Variants in TENM3 observed in about 807,000 individuals in gnomAD.
The protein encoded by TENM3 is teneurin-3.
In TENM3, 63 loss-of-function variants were observed where a neutral mutation model predicts 255.1. That is an observed-to-expected ratio of 0.25 (90% confidence interval 0.20 to 0.30). TENM3 has a LOEUF of 0.30. Among genes scored for constraint, TENM3 ranks in the 10% least tolerant of loss-of-function variants. TENM3 has a pLI of 1.00. For synonymous variants in TENM3, 1,306 were observed against 1,322.3 expected, an observed-to-expected ratio of 0.99 and a Z score of 0.27; for missense variants, 2,929 against 3,461.1, an observed-to-expected ratio of 0.85 and a Z score of 3.86.
intron 3 of TENM3, among the ~76,000 whole-genome samples, chr4:182,414,291 A>G (rs1770211164): frequency 6.6e-6 from 1 of 152,160 alleles, no homozygotes; most frequent in Non-Finnish European, 1.5e-5. Flanking sequence ...TTATTTTGCT[A>G]ACAGTCATGT....
chr4:181,724,153 G>C, the TENM3 span, among the ~76,000 whole-genome samples: 1 of 152,214 alleles, frequency 6.6e-6, no homozygotes, highest in Non-Finnish European at 1.5e-5. Flanking sequence ...TTGATGCTTA[G>C]AGAACCCACA....
chr4:182,459,148 A>G (rs1299301550), intron 3 of TENM3, among the ~76,000 whole-genome samples: 1 of 152,238 alleles, frequency 6.6e-6, no homozygotes, highest in African/African-American at 2.4e-5. Flanking sequence ...TTGACTAACC[A>G]GCATTTCAAA....
Position 182,266,659 on chromosome 4 carries a change from A to G in TENM3, c.-76+23183A>G, listed in dbSNP as rs574250956. Among the ~76,000 whole-genome samples the G allele has an allele frequency of 4.2e-4, 64 of 152,184 alleles. 1 individual carries two copies. The highest frequency in any genetic ancestry group is 7.4e-5 in the Non-Finnish European group (5 of 68,008). ...CATTAACATAAAGGTAAAATTTGGC[A>G]TATTTGATATAAAAATCATACAGGA... is the stretch of plus-strand genomic sequence containing the variant. On this transcript the variant is annotated intron_variant, in intron 1 of 27. Transcript: ENST00000511685.
At chr4:182,630,661 C>G (rs756632300) in intron 5 of TENM3, among the ~76,000 whole-genome samples, 25 of 152,034 alleles carry the variant, frequency 1.6e-4, no homozygotes, top group Non-Finnish European at 3.1e-4. Flanking sequence ...ACACATTTAC[C>G]TATGTAACAA....
At chr4:181,566,510 C>T in the TENM3 span, among the ~76,000 whole-genome samples, 1 of 151,914 alleles carries the variant, frequency 6.6e-6, no homozygotes, top group Non-Finnish European at 1.5e-5. Context: ...GATATAATAC[C>T]ATCAGTTTGA....
chr4:182,106,501 C>G, the TENM3 span, among the ~76,000 whole-genome samples: 1 of 152,070 alleles, frequency 6.6e-6, no homozygotes, highest in African/African-American at 2.4e-5. Context: ...GAAACACTCC[C>G]AAAAGGTCAG....
At chr4:182,725,884 C>T (rs867945093) in intron 13 of TENM3, among the ~76,000 whole-genome samples, 2 of 152,100 alleles carry the variant, frequency 1.3e-5, no homozygotes, top group African/African-American at 2.4e-5. Flanking sequence ...GTGATCCACC[C>T]GCCTCGGCCT....
the TENM3 span, among the ~76,000 whole-genome samples, chr4:181,957,972 C>G: frequency 1.3e-5 from 2 of 152,148 alleles, no homozygotes; most frequent in Non-Finnish European, 2.9e-5. Context: ...TCATTTTCTT[C>G]TAATTATCTC....
intron 1 of TENM3, among the ~76,000 whole-genome samples, chr4:182,164,732 C>T (rs144933633): frequency 6.6e-6 from 1 of 152,268 alleles, no homozygotes; most frequent in Non-Finnish European, 1.5e-5. Context: ...GACATAGCAC[C>T]TCATACATAG....
intron 3 of TENM3, among the ~76,000 whole-genome samples, chr4:182,476,114 C>G (rs1733662515): frequency 6.6e-6 from 1 of 152,098 alleles, no homozygotes; most frequent in Non-Finnish European, 1.5e-5. Flanking sequence ...TTACTTGACT[C>G]ATTCCAAAAT....
At chr4:182,378,145 G>T (rs1301349024) in intron 3 of TENM3, among the ~76,000 whole-genome samples, 1 of 152,140 alleles carries the variant, frequency 6.6e-6, no homozygotes, top group Non-Finnish European at 1.5e-5. Flanking sequence ...TTTGTTCTCG[G>T]CTTCTTAAAG....
the TENM3 span, among the ~76,000 whole-genome samples, chr4:181,621,102 T>C: frequency 3.9e-5 from 6 of 152,286 alleles, no homozygotes; most frequent in South Asian, 6.2e-4. Flanking sequence ...GGGAACCCAG[T>C]TGACAATAAT....
At chr4:181,977,671 C>A in the TENM3 span, among the ~76,000 whole-genome samples, 1 of 152,084 alleles carries the variant, frequency 6.6e-6, no homozygotes, top group Non-Finnish European at 1.5e-5. Context: ...GAAGACTCAC[C>A]TTTTGAGGGC....
the TENM3 span, among the ~76,000 whole-genome samples, chr4:181,775,081 C>T: frequency 6.6e-6 from 1 of 152,146 alleles, no homozygotes; most frequent in African/African-American, 2.4e-5. Flanking sequence ...ATCCCTTTAT[C>T]AGTTCATCCT....
At chr4:182,559,274 G>A (rs1313387631) in intron 3 of TENM3, among the ~76,000 whole-genome samples, 1 of 151,922 alleles carries the variant, frequency 6.6e-6, no homozygotes, top group African/African-American at 2.4e-5. Context: ...CAATGCTCAG[G>A]AGAGAATTAT....
At chr4:181,957,547 G>A in the TENM3 span, among the ~76,000 whole-genome samples, 2 of 152,142 alleles carry the variant, frequency 1.3e-5, no homozygotes, top group African/African-American at 4.8e-5. Flanking sequence ...TGTTTAAAGA[G>A]ACAGAATAGT....
At chr4:182,479,075 A>G (rs1733946291) in intron 3 of TENM3, among the ~76,000 whole-genome samples, 2 of 151,872 alleles carry the variant, frequency 1.3e-5, no homozygotes, top group South Asian at 2.1e-4. Flanking sequence ...TAAAAGATTC[A>G]GTACGTAAAA....
intron 3 of TENM3, among the ~76,000 whole-genome samples, chr4:182,580,484 A>C (rs1045898983): frequency 1.3e-5 from 2 of 152,016 alleles, no homozygotes; most frequent in Non-Finnish European, 2.9e-5. Flanking sequence ...GGTTCTTCAC[A>C]AAGATTTTTT....
chr4:182,038,587 C>T, the TENM3 span, among the ~76,000 whole-genome samples: 560 of 152,272 alleles, frequency 3.7e-3, 5 homozygotes, highest in African/African-American at 0.013. Context: ...TCTGGCACTT[C>T]ACCGAGCCTA....
Sources: gnomAD v4.1 joint callset for allele counts (sites outside exome capture counted in the v4.1 genomes callset) on GRCh38, gnomAD v4.1.1 for gene constraint, MANE v1.5 for transcripts, NCBI Gene and HGNC (gene_info 2026-07-23, HGNC 2026-07-21) for gene names.